Variants in ACOT7 observed in about 807,000 individuals in gnomAD.
The protein encoded by ACOT7 is acyl-CoA thioesterase 7.
ACOT7 carries 12 observed loss-of-function variants against 40.2 expected under a neutral mutation model. That is an observed-to-expected ratio of 0.30 (90% CI 0.19 to 0.48). The LOEUF (loss-of-function observed/expected upper bound fraction) is 0.48. Among genes scored for constraint, ACOT7 ranks in the 20% least tolerant of loss-of-function variants. ACOT7 has a pLI of 0.99. For synonymous variants in ACOT7, 228 were observed against 219.5 expected, an observed-to-expected ratio of 1.04 and a Z score of -0.34; for missense variants, 395 against 530.8, an observed-to-expected ratio of 0.74 and a Z score of 2.51.
intron 4 of ACOT7, among the ~76,000 whole-genome samples, chr1:6,329,558 G>T (rs1383791366): frequency 1.3e-5 from 2 of 151,996 alleles, no homozygotes; most frequent in East Asian, 3.9e-4. Flanking sequence ...ATTTGTCTGG[G>T]CTTGGCAGGC....
At chr1:6,328,672 A>T (rs1640871806) in intron 4 of ACOT7, among the ~76,000 whole-genome samples, 1 of 152,068 alleles carries the variant, frequency 6.6e-6, no homozygotes, top group African/African-American at 2.4e-5. Context: ...ACAGAGCGAG[A>T]CTCCGTCTAA....
chr1:6,291,234 T>C (rs2148391220), intron 7 of ACOT7, among the ~76,000 whole-genome samples: 1 of 152,230 alleles, frequency 6.6e-6, no homozygotes, highest in South Asian at 2.1e-4. Flanking sequence ...GGTCTTGAGA[T>C]GAGATCACCC....
At chr1:6,276,693 G>C (rs751175499) in intron 8 of ACOT7, among the ~76,000 whole-genome samples, 37 of 152,032 alleles carry the variant, frequency 2.4e-4, no homozygotes, top group Non-Finnish European at 4.9e-4. Context: ...CGTGCTCCCA[G>C]CCCAGAACTC....
In ACOT7 at chr1:6,357,763, C is replaced by T. The variant is rs534037522; in HGVS notation, c.144-7897G>A. ...GCAGCCTTGAGGGACAAAACAGGCACGTGGATGGGTGTGGGGCCTCAAAGT... is the reference window on the plus strand; with the variant it reads ...GCAGCCTTGAGGGACAAAACAGGCATGTGGATGGGTGTGGGGCCTCAAAGT... On this transcript the variant is annotated intron_variant, in intron 1 of 8. Coordinates refer to ENST00000361521, the MANE Select transcript of ACOT7 (RefSeq NM_007274.4). Among the ~76,000 whole-genome samples, 208 of 152,226 alleles carry T rather than the reference C, an allele frequency of 1.4e-3. 2 individuals carry two copies. Among genetic ancestry groups the T allele is most frequent in the Non-Finnish European group, 2.2e-3 (150 of 68,016 alleles).
intron 8 of ACOT7, among the ~76,000 whole-genome samples, chr1:6,267,483 G>T (rs1476702303): frequency 6.6e-6 from 1 of 152,212 alleles, no homozygotes; most frequent in Admixed American, 6.5e-5. Context: ...CTGCCTGCCT[G>T]CCTGTCTGTG....
In ACOT7 at chr1:6,282,656, G is replaced by A. The variant is rs545678459; in HGVS notation, c.830-1370C>T. The A allele has an allele frequency of 1.0e-5, 13 of 1,238,632 alleles. No individual in the cohort carries two copies. The African/African-American group carries it at 1.4e-4, about 13-fold the overall frequency. 76.7% of individuals were successfully genotyped at this position (1,238,632 alleles called of 1,614,324 possible). On this transcript the variant is annotated intron_variant, in intron 7 of 8. Transcript: ENST00000361521. The surrounding 1 kb of genome is among the most constrained non-coding windows in gnomAD (Gnocchi z 4.5). ...GTTGGAGGGCGGTTAGCAGGCCAGA[G>A]GCAAGAGCGGTTATTCCATGTTAAA...
At chr1:6,326,277 CCCTTTT>C (rs1461693170) in intron 5 of ACOT7, among the ~76,000 whole-genome samples, 1 of 152,208 alleles carries the variant, frequency 6.6e-6, no homozygotes, top group African/African-American at 2.4e-5. Flanking sequence ...CGAGGGCTCA[CCCTTTT>C]CCTAGGGGGA....
In ACOT7 at chr1:6,282,642, G is replaced by A; in HGVS notation, c.830-1356C>T. ...GCCAGGTGGTGGCTGTTGGAGGGCG[G>A]TTAGCAGGCCAGAGGCAAGAGCGGT... On this transcript the variant is annotated intron_variant, in intron 7 of 8. Coordinates refer to ENST00000361521, the MANE Select transcript of ACOT7 (RefSeq NM_007274.4). The surrounding 1 kb of genome is among the most constrained non-coding windows in gnomAD (Gnocchi z 4.5). The A allele has an allele frequency of 8.6e-7, 1 of 1,159,918 alleles. No homozygotes were observed. The highest frequency in any genetic ancestry group is 2.3e-5 in the Admixed American group (1 of 43,290). 71.9% of individuals were successfully genotyped at this position (1,159,918 alleles called of 1,614,324 possible). A position where few individuals can be genotyped will look rare whatever the true frequency, so the allele number is the denominator to read the frequency against.
chr1:6,288,845 G>A lies in ACOT7; in HGVS notation c.829+6019C>T, dbSNP rs375809143. ...TGGCTGAAACTCAAAGTTATCTTCT[G>A]AACCCCTGGGCCAATGTCTGGATGA... is the stretch of plus-strand genomic sequence containing the variant. On this transcript the variant is annotated intron_variant, in intron 7 of 8. Coordinates refer to ENST00000361521, the MANE Select transcript of ACOT7 (RefSeq NM_007274.4). The surrounding 1 kb of genome is among the most constrained non-coding windows in gnomAD (Gnocchi z 4.3). Among the ~76,000 whole-genome samples the A allele has an allele frequency of 6.6e-6, 1 of 152,196 alleles. No homozygotes were observed. Among genetic ancestry groups the A allele is most frequent in the African/African-American group, 2.4e-5 (1 of 41,450 alleles).
intron 6 of ACOT7, 90 bp from the exon 7 acceptor site, chr1:6,295,070 C>T: frequency 9.9e-7 from 1 of 1,013,248 alleles, no homozygotes; most frequent in Non-Finnish European, 1.5e-6. Context: ...CGAGCCCTCC[C>T]CTCCCACTAG....
chr1:6,321,017 A>ACCCAGGAGCCC (rs1640630622), intron 5 of ACOT7, among the ~76,000 whole-genome samples: 1 of 152,194 alleles, frequency 6.6e-6, no homozygotes, highest in South Asian at 2.1e-4. Flanking sequence ...CACAGGAGCT[A>ACCCAGGAGCCC]CCCAGGAGCC....
chr1:6,329,415 G>C (rs2148433359), intron 4 of ACOT7, among the ~76,000 whole-genome samples: 1 of 152,314 alleles, frequency 6.6e-6, no homozygotes, highest in South Asian at 2.1e-4. Context: ...TGTGAGAAGA[G>C]AGTCTGTGCT....
intron 1 of ACOT7, among the ~76,000 whole-genome samples, chr1:6,375,906 C>T (rs900733206): frequency 3.3e-5 from 5 of 149,316 alleles, no homozygotes; most frequent in Non-Finnish European, 7.4e-5. Flanking sequence ...CCACTGCACT[C>T]CAGCATGGGC....
intron 8 of ACOT7, among the ~76,000 whole-genome samples, chr1:6,277,593 C>T (rs1472523312): frequency 6.6e-6 from 1 of 152,262 alleles, no homozygotes; most frequent in Non-Finnish European, 1.5e-5. Context: ...TCCCCCGTTA[C>T]AGACAGTGGC....
intron 1 of ACOT7, among the ~76,000 whole-genome samples, chr1:6,351,659 A>G (rs1641595537): frequency 6.6e-6 from 1 of 152,186 alleles, no homozygotes; most frequent in Admixed American, 6.5e-5. Context: ...CAGTGAGGAA[A>G]CATCAGCCCA....
chr1:6,303,876 C>G (rs1023259233), intron 6 of ACOT7, among the ~76,000 whole-genome samples: 3 of 152,066 alleles, frequency 2.0e-5, no homozygotes, highest in Non-Finnish European at 4.4e-5. Flanking sequence ...CTGCCCACGC[C>G]CATTGATTCC....
At chr1:6,332,763 G>A (rs997446101) in intron 4 of ACOT7, among the ~76,000 whole-genome samples, 1 of 152,036 alleles carries the variant, frequency 6.6e-6, no homozygotes, top group African/African-American at 2.4e-5. Context: ...GGAGCTTGCA[G>A]TGAGCCGAGA....
intron 2 of ACOT7, 121 bp downstream of exon 2, chr1:6,349,628 T>A: frequency 1.0e-6 from 1 of 964,702 alleles, no homozygotes; most frequent in Non-Finnish European, 1.6e-6. Flanking sequence ...CTCCCACAGT[T>A]CCCAAGGCCC....
chr1:6,279,436 C>T (rs1186886881), intron 8 of ACOT7, among the ~76,000 whole-genome samples: 1 of 152,166 alleles, frequency 6.6e-6, no homozygotes, highest in East Asian at 1.9e-4. Flanking sequence ...TACTTTGCCA[C>T]AGAAGAGGCT....
Sources: gnomAD v4.1 joint callset for allele counts (sites outside exome capture counted in the v4.1 genomes callset) on GRCh38, gnomAD v4.1.1 for gene constraint, Gnocchi (gnomAD v3.1) non-coding constraint, MANE v1.5 for transcripts, NCBI Gene and HGNC (gene_info 2026-07-23, HGNC 2026-07-21) for gene names.